ST7L: variants seen among roughly 807,000 people sequenced by gnomAD.
ST7L encodes suppression of tumorigenicity 7 like.
Under a neutral mutation model 72.5 loss-of-function variants are expected in ST7L, and 57 were observed. The ratio of observed to expected loss-of-function variants is 0.79; its 90% CI spans 0.64 to 0.98. ST7L has a LOEUF of 0.98. Ranked by LOEUF, ST7L falls within the 50% of genes least tolerant of loss-of-function variation. The pLI is 0.00. For missense variants in ST7L, 576 were observed against 672.2 expected (o/e 0.86, Z 1.58); for synonymous variants, 221 against 240.9 (o/e 0.92, Z 0.77).
intron 11 of ST7L, among the ~76,000 whole-genome samples, chr1:112,558,546 T>G (rs6681371): frequency 0.2 from 29,954 of 152,196 alleles, 3,312 homozygotes; most frequent in Non-Finnish European, 0.26. Context: ...CTCTTACTCT[T>G]GATGTCTTTG....
chr1:112,582,463 G>GT lies in ST7L; in HGVS notation c.865dup (p.Thr289AsnfsTer8), dbSNP rs1558016386. The GT allele has an allele frequency of 1.9e-6, 3 of 1,594,194 alleles. No individual in the cohort carries two copies. The highest frequency in any genetic ancestry group is 2.6e-6 in the Non-Finnish European group (3 of 1,168,616). On this transcript the variant is annotated frameshift_variant, in exon 8 of 15. Transcript: ENST00000358039. LOFTEE classifies it high-confidence loss of function. ...TCTTTTAATATATACCAGTACATTG[G>GT]TATCTCTCCCTATTTAGAAAAACAA...
intron 13 of ST7L, among the ~76,000 whole-genome samples, chr1:112,545,041 A>G (rs1464504695): frequency 3.3e-5 from 5 of 152,222 alleles, no homozygotes; most frequent in South Asian, 2.1e-4. Context: ...TATGAGGTCC[A>G]TAAGCAAATT....
At chr1:112,573,922 T>G (rs1442300651) in intron 11 of ST7L, among the ~76,000 whole-genome samples, 1 of 142,418 alleles carries the variant, frequency 7.0e-6, no homozygotes, top group Non-Finnish European at 1.5e-5. Context: ...TTTTTTTTTT[T>G]TTTTTTTTTT....
At chr1:112,576,853 A>T in intron 11 of ST7L, 133 bp downstream of exon 11, 1 of 582,128 alleles carries the variant, frequency 1.7e-6, no homozygotes, top group Non-Finnish European at 3.0e-6. Flanking sequence ...TGTAAGGTGA[A>T]TAATAAGCAT....
intron 14 of ST7L, chr1:112,527,543 T>G (rs1023223951): frequency 1.3e-5 from 2 of 152,786 alleles, no homozygotes; most frequent in African/African-American, 4.8e-5. Context: ...AGGCTTTTTC[T>G]TAAACTAACC....
intron 11 of ST7L, chr1:112,571,434 T>C (rs868174270): frequency 4.8e-5 from 15 of 312,240 alleles, no homozygotes; most frequent in African/African-American, 3.4e-4. Context: ...TATAGTTTTA[T>C]TTATTTATTT....
chr1:112,539,146 T>C (rs181056939), intron 14 of ST7L: 115 of 152,250 alleles, frequency 7.6e-4, no homozygotes, highest in African/African-American at 2.6e-3. Flanking sequence ...TTTAAATGTA[T>C]ATATAGGATC....
intron 5 of ST7L, among the ~76,000 whole-genome samples, chr1:112,594,986 C>T (rs1238224808): frequency 6.6e-6 from 1 of 152,060 alleles, no homozygotes; most frequent in East Asian, 1.9e-4. Context: ...GACTCTACAG[C>T]ATGAAATAAT....
At chr1:112,568,851 T>C (rs1357567933) in intron 11 of ST7L, among the ~76,000 whole-genome samples, 1 of 84,858 alleles carries the variant, frequency 1.2e-5, no homozygotes, top group Non-Finnish European at 2.3e-5. Flanking sequence ...TTTTTATAAA[T>C]ATAAATATAA....
chr1:112,529,829 G>C (rs1412975909), intron 14 of ST7L: 1 of 151,150 alleles, frequency 6.6e-6, no homozygotes, highest in East Asian at 1.9e-4. Flanking sequence ...CTTCACAGGA[G>C]CTCAGTGGAA....
At chr1:112,580,399 C>T (rs1300458898) in intron 9 of ST7L, among the ~76,000 whole-genome samples, 3 of 152,204 alleles carry the variant, frequency 2.0e-5, no homozygotes, top group Non-Finnish European at 4.4e-5. Flanking sequence ...GCAATCCACC[C>T]GCTTCAGCTT....
At chr1:112,557,478 TTATC>T (rs1178617373) in intron 11 of ST7L, among the ~76,000 whole-genome samples, 1 of 152,232 alleles carries the variant, frequency 6.6e-6, no homozygotes, top group African/African-American at 2.4e-5. Flanking sequence ...TATGTTCTGT[TTATC>T]CATTCATCAA....
intron 3 of ST7L, chr1:112,610,596 T>C (rs750863213): frequency 4.9e-5 from 20 of 407,066 alleles, no homozygotes; most frequent in Non-Finnish European, 8.2e-5. Flanking sequence ...CCTCCCACGG[T>C]AGAAGTGGCA....
At chr1:112,528,828 G>A (rs1258741767) in intron 14 of ST7L, 1 of 152,146 alleles carries the variant, frequency 6.6e-6, no homozygotes, top group African/African-American at 2.4e-5. Context: ...ATAGTGAATA[G>A]AAGAGCTGCA....
intron 11 of ST7L, among the ~76,000 whole-genome samples, chr1:112,572,442 GA>G: frequency 6.6e-6 from 1 of 152,080 alleles, no homozygotes; most frequent in East Asian, 1.9e-4. Context: ...ATCTACTTTG[GA>G]AATCTGTTGT....
At chr1:112,574,075 C>T (rs552931076) in intron 11 of ST7L, among the ~76,000 whole-genome samples, 22 of 149,544 alleles carry the variant, frequency 1.5e-4, no homozygotes, top group African/African-American at 2.0e-4. Flanking sequence ...CCACCACACC[C>T]GGTTAATTTT....
At chr1:112,570,235 T>C (rs1571083981) in intron 11 of ST7L, among the ~76,000 whole-genome samples, 1 of 152,088 alleles carries the variant, frequency 6.6e-6, no homozygotes, top group East Asian at 1.9e-4. Context: ...TTTTTTTTAC[T>C]GTGGTACTAT....
At chr1:112,596,713 C>T (rs187452575) in intron 5 of ST7L, among the ~76,000 whole-genome samples, 1,711 of 152,170 alleles carry the variant, frequency 0.011, 14 homozygotes, top group Non-Finnish European at 0.018. Context: ...TCTCAGCTCA[C>T]GGCAAACTCC....
At chr1:112,613,820 T>C (rs1258987761) in intron 2 of ST7L, among the ~76,000 whole-genome samples, 1 of 152,148 alleles carries the variant, frequency 6.6e-6, no homozygotes, top group African/African-American at 2.4e-5. Flanking sequence ...CACGATTTCC[T>C]GGGCTCAAGC....
Sources: gnomAD v4.1 joint callset for allele counts (sites outside exome capture counted in the v4.1 genomes callset) on GRCh38, gnomAD v4.1.1 for gene constraint, MANE v1.5 for transcripts, NCBI Gene and HGNC (gene_info 2026-07-23, HGNC 2026-07-21) for gene names.